RERE: variants seen among roughly 807,000 people sequenced by gnomAD.
The protein encoded by RERE is arginine-glutamic acid dipeptide repeats protein.
In RERE, 40 loss-of-function variants were observed where a neutral mutation model predicts 146.1. That is an observed-to-expected ratio of 0.27 (90% confidence interval 0.21 to 0.36). The LOEUF is 0.36. Among genes scored for constraint, RERE ranks in the 10% least tolerant of loss-of-function variants. The pLI is 1.00. For synonymous variants in RERE, 1,003 were observed against 866.0 expected, an observed-to-expected ratio of 1.16 and a Z score of -2.78; for missense variants, 1,933 against 2,138.7, an observed-to-expected ratio of 0.90 and a Z score of 1.90.
chr1:8,494,479 C>A (rs1035220021), intron 10 of RERE, among the ~76,000 whole-genome samples: 2 of 152,136 alleles, frequency 1.3e-5, no homozygotes, highest in East Asian at 3.9e-4. Flanking sequence ...GTAATCCCAA[C>A]ACTTTGGGAG....
chr1:8,382,890 G>A (rs1378549328), intron 12 of RERE, among the ~76,000 whole-genome samples: 1 of 151,956 alleles, frequency 6.6e-6, no homozygotes, highest in African/African-American at 2.4e-5. Context: ...GTGCCAAAAA[G>A]GAGCCGGCAC....
intron 12 of RERE, among the ~76,000 whole-genome samples, chr1:8,390,363 G>A (rs1385057729): frequency 1.3e-5 from 2 of 152,314 alleles, no homozygotes; most frequent in East Asian, 3.9e-4. Context: ...AACCTGGCAT[G>A]CATGGTTCAG....
At chr1:8,405,730 C>T (rs1342634814) in intron 12 of RERE, among the ~76,000 whole-genome samples, 1 of 152,022 alleles carries the variant, frequency 6.6e-6, no homozygotes, top group African/African-American at 2.4e-5. Flanking sequence ...CCTCCAACTT[C>T]CTGGTTCAAG....
At position 8,360,228 on chromosome 1, in the gene RERE, G is replaced by T; in HGVS notation, c.3279C>A (p.Ile1093=). Residue 1093 remains isoleucine, a synonymous_variant, in exon 18 of 23, where the codon ATC becomes ATA. Transcript: ENST00000400908. ...GSSCPLPTVQ[I]KEEALDDAEE... ...CAGCGTCGTCCAGAGCCTCCTCCTT[G>T]ATCTGGACGGTGGGGAGTGGGCAGG... is the stretch of plus-strand genomic sequence containing the variant. 6.3e-7 allele frequency: 1 copy of T among 1,586,348 alleles called. No homozygotes were observed. Among genetic ancestry groups the T allele is most frequent in the Non-Finnish European group, 8.6e-7 (1 of 1,167,438 alleles).
At chr1:8,689,166 C>T (rs981118089) in intron 1 of RERE, among the ~76,000 whole-genome samples, 7 of 151,772 alleles carry the variant, frequency 4.6e-5, no homozygotes, top group African/African-American at 1.7e-4. Context: ...TAAGTATGTT[C>T]TGACAGCTTA....
intron 12 of RERE, among the ~76,000 whole-genome samples, chr1:8,401,081 A>G (rs1427471918): frequency 7.8e-6 from 1 of 127,796 alleles, no homozygotes; most frequent in Non-Finnish European, 1.7e-5. Flanking sequence ...ATGTCACTTA[A>G]TAGTTTTTGG....
Position 8,451,112 on chromosome 1 carries a change from C to A in RERE, c.1203+14813G>T, listed in dbSNP as rs141168339. Among the ~76,000 whole-genome samples, 1,011 of 152,264 alleles carry A rather than the reference C, an allele frequency of 6.6e-3. 11 individuals carry two copies. The highest frequency in any genetic ancestry group is 6.1e-3 in the Admixed American group (93 of 15,304). On this transcript the variant is annotated intron_variant, in intron 11 of 22. Coordinates refer to ENST00000400908, the MANE Select transcript of RERE (RefSeq NM_001042681.2). ...TCTATGCAGCCTGGGGCTTAACTAT[C>A]CATTATGTCAACAATGCAGTCAATA...
At chr1:8,583,226 T>C (rs956302519) in intron 4 of RERE, among the ~76,000 whole-genome samples, 1 of 152,086 alleles carries the variant, frequency 6.6e-6, no homozygotes, top group Non-Finnish European at 1.5e-5. Flanking sequence ...TGTCCCTTAA[T>C]CCCCACACAA....
rs1427997557 is a variant in RERE at position 8,360,477 on chromosome 1, G to A, written c.3030C>T (p.Ser1010=). 5 of 1,313,436 alleles carry A rather than the reference G, an allele frequency of 3.8e-6. No homozygotes were observed. Among genetic ancestry groups the A allele is most frequent in the East Asian group, 5.6e-5 (2 of 35,992 alleles). The allele number at this position is 1,313,436 out of a possible 1,614,324, so 81.4% of individuals were successfully genotyped here. Residue 1010 remains serine (S), a synonymous_variant, in exon 18 of 23, where the codon AGC becomes AGT. Transcript: ENST00000400908. ...AGGCAGGGGGCGGGGGCAGGTTCTG[G>A]CTCTGGGTCAGCCCGGGGGGCTGGG... The part of the protein sequence containing the change: ...SPAQPPGLTQ[S]QNLPPPPASH...
At position 8,564,866 on chromosome 1, in the gene RERE, GTGTGTA is replaced by G. The variant is rs879276907; in HGVS notation, c.523-7349_523-7344del. On this transcript the variant is annotated intron_variant, in intron 4 of 22. Coordinates refer to ENST00000400908, the MANE Select transcript of RERE (RefSeq NM_001042681.2). ...TGTGTGTGTGTGTGTGTGTGTGTGT[GTGTGTA>G]TATATATATATAAAACTACTATTCA... 6.9e-3 allele frequency among the ~76,000 whole-genome samples: 906 copies of G among 131,440 alleles called. 7 individuals carry two copies. Among genetic ancestry groups the G allele is most frequent in the African/African-American group, 0.018 (571 of 31,194 alleles). 86.2% of individuals were successfully genotyped at this position (131,440 alleles called of 152,430 possible).
chr1:8,448,067 C>G (rs1375692695), intron 11 of RERE, among the ~76,000 whole-genome samples: 1 of 152,156 alleles, frequency 6.6e-6, no homozygotes, highest in African/African-American at 2.4e-5. Context: ...CTGCCCAGCA[C>G]TATGTTCTGG....
chr1:8,501,778 C>T, intron 8 of RERE, among the ~76,000 whole-genome samples: 1 of 122,038 alleles, frequency 8.2e-6, no homozygotes, highest in African/African-American at 3.1e-5. Flanking sequence ...CAGCCCCCCG[C>T]CTGGCCAGCC....
chr1:8,370,338 G>T (rs372014002), intron 12 of RERE, among the ~76,000 whole-genome samples: 1 of 152,100 alleles, frequency 6.6e-6, no homozygotes, highest in African/African-American at 2.4e-5. Context: ...TGGAGGGTGG[G>T]GGACAAGAAA....
chr1:8,561,171 ATAT>A (rs1646073918), intron 4 of RERE, among the ~76,000 whole-genome samples: 2 of 152,204 alleles, frequency 1.3e-5, no homozygotes, highest in African/African-American at 2.4e-5. Flanking sequence ...ATGACTCCTA[ATAT>A]TATACTTTAC....
chr1:8,730,334 GTTT>G (rs777857928), intron 1 of RERE, among the ~76,000 whole-genome samples: 1 of 151,792 alleles, frequency 6.6e-6, no homozygotes, highest in Non-Finnish European at 1.5e-5. Context: ...TGTTTTTGGG[GTTT>G]TTTTTGTTTT....
Position 8,361,817 on chromosome 1 carries a change from C to T in RERE, c.1962G>A (p.Val654=), listed in dbSNP as rs1641592762. ...TGTCAGCCTCCTCCGTATCAGAGGC[C>T]ACCTTCTCCCGCTGGCGTTTGTTAC... ...LKSNKRQREK[V]ASDTEEADRT... is the part of the protein sequence containing the mutation. Residue 654 remains valine (V), a synonymous_variant, in exon 17 of 23, where the codon GTG becomes GTA. Transcript: ENST00000400908. 6.2e-7 allele frequency: 1 copy of T among 1,613,998 alleles called. No individual in the cohort carries two copies. The highest frequency in any genetic ancestry group is 8.5e-7 in the Non-Finnish European group (1 of 1,179,970).
intron 1 of RERE, among the ~76,000 whole-genome samples, chr1:8,754,549 T>C (rs906398386): frequency 2.6e-5 from 4 of 152,188 alleles, no homozygotes; most frequent in African/African-American, 7.2e-5. Context: ...TGAGGGTGTA[T>C]GGGAGGAAAT....
chr1:8,611,491 G>A (rs934780060), intron 4 of RERE, among the ~76,000 whole-genome samples: 1 of 152,050 alleles, frequency 6.6e-6, no homozygotes, highest in African/African-American at 2.4e-5. Context: ...ATGACAGGGT[G>A]AGACTCTGTC....
intron 12 of RERE, among the ~76,000 whole-genome samples, chr1:8,370,937 CAG>C (rs1642013320): frequency 6.6e-6 from 1 of 152,228 alleles, no homozygotes; most frequent in South Asian, 2.1e-4. Flanking sequence ...CAAGCAAACA[CAG>C]AGGTATAAAA....
Sources: gnomAD v4.1 joint callset for allele counts (sites outside exome capture counted in the v4.1 genomes callset) on GRCh38, gnomAD v4.1.1 for gene constraint, MANE v1.5 for transcripts, NCBI Gene and HGNC (gene_info 2026-07-23, HGNC 2026-07-21) for gene names.